Variants in ABL2 observed in about 807,000 individuals in gnomAD.
ABL2 encodes the protein ABL proto-oncogene 2, non-receptor tyrosine kinase.
In ABL2, 49 loss-of-function variants were observed where a neutral mutation model predicts 107.7. The observed-to-expected ratio is 0.45, with a 90% CI of 0.36 to 0.58. The LOEUF is 0.58. Among genes scored for constraint, ABL2 ranks in the 20% least tolerant of loss-of-function variants. ABL2 has a pLI of 0.00. For synonymous variants in ABL2, 549 were observed against 548.6 expected, an observed-to-expected ratio of 1.00 and a Z score of -0.01; for missense variants, 1,245 against 1,457.0, an observed-to-expected ratio of 0.85 and a Z score of 2.37.
At position 179,138,694 on chromosome 1, in the gene ABL2, C is replaced by T. The variant is rs926694336; in HGVS notation, c.158-5320G>A. Among the ~76,000 whole-genome samples the T allele has an allele frequency of 1.1e-4, 16 of 152,218 alleles. 1 individual carries two copies. The highest frequency in any genetic ancestry group is 4.6e-4 in the Admixed American group (7 of 15,290). The stretch of plus-strand genomic sequence containing the variant: ...GTGTGCTGGCAGTCCTCACAGCCCT[C>T]GCTCGCTCTCGGTGCCTCCTCTGCC... On this transcript the variant is annotated intron_variant, in intron 1 of 11. Transcript: ENST00000502732.
chr1:179,141,294 G>GA (rs964004304), intron 1 of ABL2, among the ~76,000 whole-genome samples: 2,289 of 145,236 alleles, frequency 0.016, 63 homozygotes, highest in African/African-American at 0.053. Context: ...CTGTCTTTAA[G>GA]AAAAAAAAAA....
rs1558014403 is a variant in ABL2 at position 179,229,643 on chromosome 1, G to GCCGCCC, written c.-247_-246insGGGCGG. On this transcript the variant is annotated 5_prime_UTR_variant, in exon 1 of 12. Coordinates refer to ENST00000502732, the MANE Select transcript of ABL2 (RefSeq NM_007314.4). ...GCTCCGCGCCCCCAACGCCGCCGCCGCCGCCGCCGCCACCGCCGCCGCCAT... is the reference window on the plus strand; with the variant it reads ...GCTCCGCGCCCCCAACGCCGCCGCCGCCGCCCCCGCCGCCGCCACCGCCGCCGCCAT... 2.0e-6 allele frequency: 1 copy of GCCGCCC among 496,556 alleles called. No individual in the cohort carries two copies. The highest frequency in any genetic ancestry group is 3.7e-5 in the East Asian group (1 of 27,062). The allele number at this position is 496,556 out of a possible 1,614,324, so 30.8% of individuals were successfully genotyped here. A position where few individuals can be genotyped will look rare whatever the true frequency, so the allele number is the denominator to read the frequency against.
At chr1:179,115,687 T>G (rs1390555129) in intron 8 of ABL2, among the ~76,000 whole-genome samples, 3 of 150,230 alleles carry the variant, frequency 2.0e-5, no homozygotes, top group South Asian at 2.1e-4. Flanking sequence ...AAGGGGGGGG[T>G]CTTAGAATGT....
At chr1:179,225,798 T>G (rs901633991) in intron 1 of ABL2, among the ~76,000 whole-genome samples, 2 of 151,860 alleles carry the variant, frequency 1.3e-5, no homozygotes, top group African/African-American at 4.8e-5. Flanking sequence ...TCCCAGCACT[T>G]TGGGAGGCCG....
At chr1:179,211,539 A>T (rs1662275718) in intron 1 of ABL2, among the ~76,000 whole-genome samples, 1 of 152,098 alleles carries the variant, frequency 6.6e-6, no homozygotes, top group African/African-American at 2.4e-5. Flanking sequence ...TAAAAATAAA[A>T]TTTTTATAAG....
At chr1:179,174,933 A>G (rs1016185629) in intron 1 of ABL2, among the ~76,000 whole-genome samples, 18 of 148,914 alleles carry the variant, frequency 1.2e-4, no homozygotes, top group Admixed American at 1.1e-3. Flanking sequence ...TAATAATAAT[A>G]ATAATAATAA....
chr1:179,193,251 A>G (rs916153168), intron 1 of ABL2, among the ~76,000 whole-genome samples: 51 of 152,346 alleles, frequency 3.3e-4, no homozygotes, highest in African/African-American at 1.1e-3. Flanking sequence ...CTACCAGAAA[A>G]AGTGGCCAAT....
rs869095809 is a variant in ABL2, at chr1:179,101,996, C to CTTTTTTTTTTTTTTTTTTTTTTTTTTT, written c.*5695_*5721dup. The stretch of plus-strand genomic sequence containing the variant: ...AAAAGCAAGCTTTGCATTAGAATTT[C>CTTTTTTTTTTTTTTTTTTTTTTTTTTT]TTTTTTTTTTTTTTTTTTTTTTTTT... On this transcript the variant is annotated 3_prime_UTR_variant, in exon 12 of 12. Transcript: ENST00000502732. 1.9e-5 allele frequency: 1 copy of CTTTTTTTTTTTTTTTTTTTTTTTTTTT among 53,878 alleles called. No individual in the cohort carries two copies. The highest frequency in any genetic ancestry group is 3.2e-5 in the Non-Finnish European group (1 of 31,256). The allele number at this position is 53,878 out of a possible 1,614,324, so 3.3% of individuals were successfully genotyped here. A position where few individuals can be genotyped will look rare whatever the true frequency, so the allele number is the denominator to read the frequency against.
At chr1:179,193,747 T>C (rs1372775822) in intron 1 of ABL2, among the ~76,000 whole-genome samples, 1 of 152,002 alleles carries the variant, frequency 6.6e-6, no homozygotes, top group African/African-American at 2.4e-5. Context: ...TTGGTTTTTT[T>C]TGGAGACGGA....
At chr1:179,115,988 T>A (rs1422378081) in intron 8 of ABL2, among the ~76,000 whole-genome samples, 1 of 151,488 alleles carries the variant, frequency 6.6e-6, no homozygotes, top group Non-Finnish European at 1.5e-5. Flanking sequence ...AGAAACCAGA[T>A]CAATTAGGAC....
rs1345337742 is a variant in ABL2 at position 179,119,534 on chromosome 1, C to A, written c.1045+656G>T. Among the ~76,000 whole-genome samples, 3 of 149,314 alleles carry A rather than the reference C, an allele frequency of 2.0e-5. No individual in the cohort carries two copies. In the East Asian group the frequency reaches 5.9e-4, roughly 29 times the overall value. On this transcript the variant is annotated intron_variant, in intron 6 of 11. Coordinates refer to ENST00000502732, the MANE Select transcript of ABL2 (RefSeq NM_007314.4). ...TTTAAAAAACAAACAAAAAAAAACA[C>A]CCCCCACACCCCCCCAAAAAAAAGA...
chr1:179,116,121 C>A (rs1409612081), intron 8 of ABL2, among the ~76,000 whole-genome samples: 3 of 152,070 alleles, frequency 2.0e-5, no homozygotes, highest in African/African-American at 7.2e-5. Flanking sequence ...TGCCTGTAAT[C>A]CCAACACTTT....
At chr1:179,135,511 G>A (rs1176537192) in intron 1 of ABL2, among the ~76,000 whole-genome samples, 1 of 151,388 alleles carries the variant, frequency 6.6e-6, no homozygotes, top group African/African-American at 2.4e-5. Context: ...CCCCGTCTGA[G>A]AAGTGAGGAG....
chr1:179,135,776 G>C (rs1366522310), intron 1 of ABL2, among the ~76,000 whole-genome samples: 1 of 142,540 alleles, frequency 7.0e-6, no homozygotes, highest in Non-Finnish European at 1.6e-5. Flanking sequence ...GGAGGGAGGT[G>C]GGGGGGTCAG....
chr1:179,209,308 GTTA>G (rs1244346358), intron 1 of ABL2, among the ~76,000 whole-genome samples: 1 of 152,088 alleles, frequency 6.6e-6, no homozygotes, highest in African/African-American at 2.4e-5. Flanking sequence ...TTCCCCCCAG[GTTA>G]TTATCATTAG....
chr1:179,161,878 T>A (rs1659089722), intron 1 of ABL2, among the ~76,000 whole-genome samples: 1 of 152,126 alleles, frequency 6.6e-6, no homozygotes, highest in African/African-American at 2.4e-5. Context: ...TCTACCCTCA[T>A]AAATGGATTA....
chr1:179,118,717 G>A lies in ABL2; in HGVS notation c.1093C>T (p.Pro365Ser), dbSNP rs748480184. The stretch of plus-strand genomic sequence containing the variant: ...AGGTAATCCAGCAAATTCCCGTATG[G>A]CATGTATTCAGTCACAATGTAAAAT... ...PPFYIVTEYM[P>S]YGNLLDYLRE... The change falls in exon 7 of 12, where the codon CCA (proline) becomes TCA (serine). Residue 365 changes from proline (P) to serine (S), a missense_variant. This residue lies in a region of ABL2 where 320 missense variants were observed against 547.0 expected (regional missense o/e 0.59). Transcript: ENST00000502732. 6.2e-7 allele frequency: 1 copy of A among 1,613,926 alleles called. No individual in the cohort carries two copies. The highest frequency in any genetic ancestry group is 1.3e-5 in the African/African-American group (1 of 74,896).
At chr1:179,145,758 C>G in intron 1 of ABL2, among the ~76,000 whole-genome samples, 1 of 152,108 alleles carries the variant, frequency 6.6e-6, no homozygotes, top group Non-Finnish European at 1.5e-5. Context: ...TTACGGAAGT[C>G]AAAAGATGAG....
At chr1:179,221,207 G>A (rs1400836587) in intron 1 of ABL2, 3 of 212,958 alleles carry the variant, frequency 1.4e-5, no homozygotes, top group African/African-American at 2.3e-5. Flanking sequence ...TAAAAGAGAA[G>A]ACAAACTGTT....
Sources: allele counts gnomAD v4.1 joint callset (sites outside exome capture counted in the v4.1 genomes callset), GRCh38; gene constraint gnomAD v4.1.1; regional missense constraint gnomAD v4.1.1; transcripts MANE v1.5; gene names NCBI Gene and HGNC (gene_info 2026-07-23, HGNC 2026-07-21).